The following CCDC91 variants were observed in gnomAD, a reference collection of about 807,000 sequenced individuals.
The protein encoded by CCDC91 is coiled-coil domain-containing protein 91.
CCDC91 carries 48 observed loss-of-function variants against 63.2 expected under a neutral mutation model. The observed-to-expected ratio is 0.76, with a 90% CI of 0.60 to 0.97. CCDC91 has a LOEUF of 0.97. CCDC91 is among the 50% of genes least tolerant of loss of function. The pLI, the probability that CCDC91 is intolerant of heterozygous loss-of-function variation, is 0.00. For synonymous variants in CCDC91, 167 were observed against 165.8 expected, an observed-to-expected ratio of 1.01 and a Z score of -0.06; for missense variants, 500 against 494.6, an observed-to-expected ratio of 1.01 and a Z score of -0.10.
intron 6 of CCDC91, among the ~76,000 whole-genome samples, chr12:28,331,500 A>G (rs886466214): frequency 6.6e-6 from 1 of 152,206 alleles, no homozygotes; most frequent in South Asian, 2.1e-4. Flanking sequence ...CATTATGGAA[A>G]TGCCACAGTT....
chr12:28,487,632 T>A (rs1413251014), intron 12 of CCDC91, among the ~76,000 whole-genome samples: 1 of 151,548 alleles, frequency 6.6e-6, no homozygotes, highest in African/African-American at 2.4e-5. Context: ...ATAAAAATTT[T>A]CCTTTCCCTT....
intron 8 of CCDC91, among the ~76,000 whole-genome samples, chr12:28,447,147 A>G (rs773311032): frequency 1.1e-4 from 17 of 152,190 alleles, no homozygotes; most frequent in Non-Finnish European, 1.6e-4. Context: ...TAATTGTACA[A>G]TTTCACAAAG....
At chr12:28,484,794 TAAG>T (rs1300480726) in intron 12 of CCDC91, among the ~76,000 whole-genome samples, 2 of 151,664 alleles carry the variant, frequency 1.3e-5, no homozygotes, top group East Asian at 3.9e-4. Context: ...ATACACAAAA[TAAG>T]AAACTCTTTA....
chr12:28,257,205 C>A lies in CCDC91; in HGVS notation c.-11C>A. On this transcript the variant is annotated 5_prime_UTR_variant, in exon 2 of 13. Transcript: ENST00000536442. ...TTCAATATCTTATATTTTTCAGGTG[C>A]CACTTGAAGAATGGATGATGATGAT... The A allele has an allele frequency of 6.2e-7, 1 of 1,603,302 alleles. No homozygotes were observed. Among genetic ancestry groups the A allele is most frequent in the South Asian group, 1.1e-5 (1 of 90,806 alleles).
chr12:28,363,876 G>GAAA (rs34997286), intron 7 of CCDC91, among the ~76,000 whole-genome samples: 22 of 52,544 alleles, frequency 4.2e-4, no homozygotes, highest in Non-Finnish European at 5.8e-4. Context: ...GGCTCCATCT[G>GAAA]AAAAAAAAAA....
Position 28,452,584 on chromosome 12 carries a change from A to G in CCDC91, c.1031A>G (p.His344Arg). The change falls in exon 11 of 13, where the codon CAT (histidine) becomes CGT (arginine). Residue 344 changes from histidine (H) to arginine (R), a missense_variant. By Grantham distance (29) the His-to-Arg change is conservative. Coordinates refer to ENST00000536442, the MANE Select transcript of CCDC91 (RefSeq NM_018318.5). ...AEERELWKTE[H>R]AKDQEKVSQE... The stretch of plus-strand genomic sequence containing the variant: ...GAAAGGGAATTATGGAAGACAGAAC[A>G]TGCAAAAGATCAAGAAAAAGTATCT... 6.3e-7 allele frequency: 1 copy of G among 1,586,542 alleles called. No homozygotes were observed. The highest frequency in any genetic ancestry group is 8.6e-7 in the Non-Finnish European group (1 of 1,168,122).
chr12:28,509,406 G>A (rs1472509596), intron 12 of CCDC91, among the ~76,000 whole-genome samples: 1 of 151,264 alleles, frequency 6.6e-6, no homozygotes, highest in Non-Finnish European at 1.5e-5. Flanking sequence ...TGGCAGGATA[G>A]GGGTGGTAGT....
chr12:28,469,287 G>T (rs191069179), intron 11 of CCDC91, among the ~76,000 whole-genome samples: 31 of 152,024 alleles, frequency 2.0e-4, no homozygotes, highest in African/African-American at 7.5e-4. Flanking sequence ...ATTTCTATAT[G>T]CTAAATGAAC....
At chr12:28,413,329 A>G (rs1263397260) in intron 8 of CCDC91, among the ~76,000 whole-genome samples, 1 of 151,972 alleles carries the variant, frequency 6.6e-6, no homozygotes, top group East Asian at 1.9e-4. Context: ...TTCTTAATGG[A>G]TTTTTACCCC....
chr12:28,337,643 C>T (rs1270522781), intron 6 of CCDC91, among the ~76,000 whole-genome samples: 1 of 151,714 alleles, frequency 6.6e-6, no homozygotes, highest in Non-Finnish European at 1.5e-5. Flanking sequence ...ATTGTCAGTG[C>T]TTATCTCATA....
chr12:28,369,442 C>G (rs1022945496), intron 7 of CCDC91, among the ~76,000 whole-genome samples: 1 of 152,210 alleles, frequency 6.6e-6, no homozygotes, highest in South Asian at 2.1e-4. Context: ...CAGCTCTCCC[C>G]CTGAGGCTCT....
At chr12:28,491,566 G>A (rs1952004016) in intron 12 of CCDC91, among the ~76,000 whole-genome samples, 1 of 151,862 alleles carries the variant, frequency 6.6e-6, no homozygotes, top group Admixed American at 6.6e-5. Context: ...GATCAGGATG[G>A]ACTTTTGGTT....
chr12:28,494,208 T>C (rs1952163574), intron 12 of CCDC91, among the ~76,000 whole-genome samples: 1 of 151,664 alleles, frequency 6.6e-6, no homozygotes, highest in Admixed American at 6.6e-5. Flanking sequence ...CTAACACCCA[T>C]TGAATCTATT....
chr12:28,292,241 C>G (rs1233838772), intron 3 of CCDC91, among the ~76,000 whole-genome samples: 2 of 152,194 alleles, frequency 1.3e-5, no homozygotes, highest in Non-Finnish European at 2.9e-5. Context: ...GTTCCAACAT[C>G]AAACAGCGAA....
intron 7 of CCDC91, among the ~76,000 whole-genome samples, chr12:28,375,882 G>A (rs1944912565): frequency 6.6e-6 from 1 of 151,780 alleles, no homozygotes; most frequent in South Asian, 2.1e-4. Flanking sequence ...ATTATGTAGA[G>A]TATCATATTT....
intron 11 of CCDC91, among the ~76,000 whole-genome samples, chr12:28,480,247 A>C (rs746653852): frequency 6.6e-6 from 1 of 152,002 alleles, no homozygotes; most frequent in Non-Finnish European, 1.5e-5. Context: ...TGAAACACCT[A>C]TTAAACCTCA....
At chr12:28,202,171 A>G (rs1385885774) in intron 1 of CCDC91, among the ~76,000 whole-genome samples, 1 of 152,150 alleles carries the variant, frequency 6.6e-6, no homozygotes, top group Non-Finnish European at 1.5e-5. Context: ...CATACTTCAT[A>G]TATGGTTTTC....
At position 28,539,287 on chromosome 12, in the gene CCDC91, G is replaced by A. The variant is rs552926414; in HGVS notation, c.1216-9776G>A. 3.9e-5 allele frequency among the ~76,000 whole-genome samples: 6 copies of A among 152,290 alleles called. No individual in the cohort carries two copies. In the East Asian group the frequency reaches 1.2e-3, roughly 29 times the overall value. On this transcript the variant is annotated intron_variant, in intron 12 of 12. Transcript: ENST00000536442. ...CCATCTTGAATTAATTTTTGTAGAA[G>A]GTGTAAGGAAGGGATCCAGTTTCAG...
At chr12:28,326,532 C>T (rs549617974) in intron 6 of CCDC91, among the ~76,000 whole-genome samples, 5 of 145,352 alleles carry the variant, frequency 3.4e-5, no homozygotes, top group South Asian at 2.3e-4. Context: ...GTATATCTCC[C>T]AATGCTATCC....
Sources: allele counts gnomAD v4.1 joint callset (sites outside exome capture counted in the v4.1 genomes callset), GRCh38; gene constraint gnomAD v4.1.1; transcripts MANE v1.5; gene names NCBI Gene and HGNC (gene_info 2026-07-23, HGNC 2026-07-21).